Variants in HMCN1 observed in about 807,000 individuals in gnomAD.
HMCN1 encodes the protein hemicentin 1.
Under a neutral mutation model 625.9 loss-of-function variants are expected in HMCN1, and 321 were observed. The ratio of observed to expected loss-of-function variants is 0.51; its 90% CI spans 0.47 to 0.56. The LOEUF (loss-of-function observed/expected upper bound fraction) is 0.56. Ranked by LOEUF, HMCN1 falls within the 20% of genes least tolerant of loss-of-function variation. The pLI, the probability that HMCN1 is intolerant of heterozygous loss-of-function variation, is 0.00. For missense variants in HMCN1, 6,588 were observed against 6,887.3 expected (o/e 0.96, Z 1.54); for synonymous variants, 2,425 against 2,417.6 (o/e 1.00, Z -0.09).
intron 36 of HMCN1, among the ~76,000 whole-genome samples, chr1:186,036,304 A>G (rs1655818182): frequency 6.6e-6 from 1 of 152,140 alleles, no homozygotes; most frequent in Non-Finnish European, 1.5e-5. Context: ...GAAAAGAAAG[A>G]GGTTTAATGG....
At chr1:185,748,735 TA>T (rs1654599196) in intron 1 of HMCN1, among the ~76,000 whole-genome samples, 1 of 152,168 alleles carries the variant, frequency 6.6e-6, no homozygotes, top group Non-Finnish European at 1.5e-5. Flanking sequence ...TTAAAGTGAG[TA>T]TCAGTAAAGT....
intron 11 of HMCN1, among the ~76,000 whole-genome samples, chr1:185,952,621 A>G (rs1428959466): frequency 6.6e-6 from 1 of 151,660 alleles, no homozygotes; most frequent in African/African-American, 2.4e-5. Flanking sequence ...TTTTCCGGCT[A>G]TTTGGAACTA....
At chr1:185,768,769 G>A (rs1571324177) in intron 1 of HMCN1, among the ~76,000 whole-genome samples, 1 of 151,994 alleles carries the variant, frequency 6.6e-6, no homozygotes, top group Admixed American at 6.6e-5. Flanking sequence ...AACATAGTAG[G>A]ACCCCATCTC....
At chr1:186,093,951 A>T (rs190052120) in intron 66 of HMCN1, among the ~76,000 whole-genome samples, 1 of 152,130 alleles carries the variant, frequency 6.6e-6, no homozygotes, top group East Asian at 1.9e-4. Context: ...TTTAGCTAAA[A>T]CTTTATGTGG....
At chr1:186,136,184 A>AG (rs929853694) in intron 86 of HMCN1, among the ~76,000 whole-genome samples, 25 of 152,146 alleles carry the variant, frequency 1.6e-4, no homozygotes, top group African/African-American at 5.5e-4. Flanking sequence ...TCAAAAAAAA[A>AG]GAATGAGTTA....
chr1:185,887,972 G>T (rs1664779689), intron 4 of HMCN1, among the ~76,000 whole-genome samples: 2 of 141,452 alleles, frequency 1.4e-5, no homozygotes, highest in South Asian at 2.3e-4. Context: ...AGCACCTGTT[G>T]TTTCCTGACT....
chr1:186,029,517 C>T (rs1290730093), intron 36 of HMCN1, among the ~76,000 whole-genome samples: 1 of 147,942 alleles, frequency 6.8e-6, no homozygotes, highest in African/African-American at 2.5e-5. Context: ...TGGCATACAA[C>T]TGTTTGTAAT....
intron 45 of HMCN1, among the ~76,000 whole-genome samples, chr1:186,056,969 C>A (rs1657371022): frequency 6.7e-6 from 1 of 150,282 alleles, no homozygotes; most frequent in Admixed American, 6.7e-5. Context: ...ATTGGAATAA[C>A]AATATGAAAA....
chr1:186,000,262 AACTG>A (rs1385635607), intron 26 of HMCN1, 23 bp downstream of exon 26: 2 of 1,565,514 alleles, frequency 1.3e-6, no homozygotes, highest in Non-Finnish European at 1.8e-6. Context: ...AAAATCATGT[AACTG>A]ACTGTTTGCC....
rs779526918 is a variant in HMCN1 at position 186,088,016 on chromosome 1, G to A, written c.9445+3G>A. On this transcript the variant is annotated splice_donor_region_variant and intron_variant, in intron 61 of 106. Coordinates refer to ENST00000271588, the MANE Select transcript of HMCN1 (RefSeq NM_031935.3). ...AAATTTCCACCTCAATGTATATGGTGAGCATTTGCCTCTAATACAACTCTT... is the reference window on the plus strand; with the variant it reads ...AAATTTCCACCTCAATGTATATGGTAAGCATTTGCCTCTAATACAACTCTT... The A allele has an allele frequency of 1.3e-5, 21 of 1,612,736 alleles. 2 individuals are homozygous for A. The Admixed American group carries it at 1.5e-4, about 12-fold the overall frequency.
At chr1:186,162,177 A>T (rs1021221646) in intron 97 of HMCN1, among the ~76,000 whole-genome samples, 3 of 152,032 alleles carry the variant, frequency 2.0e-5, no homozygotes, top group Admixed American at 2.0e-4. Context: ...TTCATCTTCT[A>T]TTGCTGATGT....
At position 186,093,536 on chromosome 1, in the gene HMCN1, T is replaced by G. The variant is rs775122553; in HGVS notation, c.10063T>G (p.Leu3355Val). The G allele has an allele frequency of 5.0e-6, 8 of 1,613,434 alleles. No homozygotes were observed. Among genetic ancestry groups the G allele is most frequent in the Middle Eastern group, 1.7e-4 (1 of 6,058 alleles). The change falls in exon 66 of 107, where the codon TTA becomes GTA. Residue 3355 changes from leucine to valine, a missense_variant. Physicochemically the swap from Leu to Val is conservative, Grantham distance 32. This residue lies in a region of HMCN1 where 4,628 missense variants were observed against 4,853.1 expected (regional missense o/e 0.95). Transcript: ENST00000271588. ...NKDEAEKLMT[L>V]VDTSINIECR... The stretch of plus-strand genomic sequence containing the variant: ...AGATGAAGCAGAGAAACTAATGACT[T>G]TAGTGGATACTTCAATAAATATTGA...
In HMCN1 at chr1:185,951,542, G is replaced by A. The variant is rs541789424; in HGVS notation, c.1829-10976G>A. Among the ~76,000 whole-genome samples, 344 of 150,496 alleles carry A rather than the reference G, an allele frequency of 2.3e-3. 7 individuals are homozygous for A. The highest frequency in any genetic ancestry group is 3.6e-3 in the Non-Finnish European group (241 of 67,204). ...TGATGGTCTAGGGGGCTTCTGAGGC[G>A]ATCGGGCAGTGTCAGTCTTCAGCCG... On this transcript the variant is annotated intron_variant, in intron 11 of 106. Transcript: ENST00000271588.
chr1:185,894,395 G>C (rs144317802), intron 4 of HMCN1, among the ~76,000 whole-genome samples: 1 of 152,238 alleles, frequency 6.6e-6, no homozygotes, highest in Non-Finnish European at 1.5e-5. Context: ...CCATTCCACT[G>C]TTGATATATA....
At chr1:185,829,998 T>C (rs1228069723) in intron 1 of HMCN1, among the ~76,000 whole-genome samples, 1 of 152,222 alleles carries the variant, frequency 6.6e-6, no homozygotes, top group East Asian at 1.9e-4. Flanking sequence ...TGATGATTAG[T>C]GATGTTGAGC....
chr1:185,982,522 C>T (rs974366146), intron 18 of HMCN1, 133 bp downstream of exon 18: 12 of 785,636 alleles, frequency 1.5e-5, no homozygotes, highest in Non-Finnish European at 2.1e-5. Context: ...CTCACCGCAA[C>T]CTCTGCCTCC....
chr1:186,007,952 TTC>T (rs2102098601), intron 30 of HMCN1, among the ~76,000 whole-genome samples: 1 of 152,278 alleles, frequency 6.6e-6, no homozygotes, highest in South Asian at 2.1e-4. Flanking sequence ...CTGCACTATC[TTC>T]TGTCTTTCCA....
intron 4 of HMCN1, among the ~76,000 whole-genome samples, chr1:185,885,193 C>A: frequency 6.6e-6 from 1 of 151,288 alleles, no homozygotes; most frequent in African/African-American, 2.4e-5. Flanking sequence ...ATATTAGAAA[C>A]AAATTATTCA....
At chr1:185,833,246 G>A (rs978554992) in intron 1 of HMCN1, among the ~76,000 whole-genome samples, 1 of 152,142 alleles carries the variant, frequency 6.6e-6, no homozygotes, top group African/African-American at 2.4e-5. Flanking sequence ...TCCTCCACCA[G>A]AAAAATACCT....
Sources: allele counts gnomAD v4.1 joint callset (sites outside exome capture counted in the v4.1 genomes callset), GRCh38; gene constraint gnomAD v4.1.1; regional missense constraint gnomAD v4.1.1; transcripts MANE v1.5; gene names NCBI Gene and HGNC (gene_info 2026-07-23, HGNC 2026-07-21).